The following TOP6BL variants were observed in gnomAD, a reference collection of about 807,000 sequenced individuals.
The protein encoded by TOP6BL is TOP6B like initiator of meiotic double strand breaks, also known as type 2 DNA topoisomerase 6 subunit B-like.
At chr11:66,757,043 G>A in the TOP6BL span, among the ~76,000 whole-genome samples, 4 of 151,018 alleles carry the variant, frequency 2.6e-5, no homozygotes, top group Non-Finnish European at 4.4e-5. Flanking sequence ...CGGAGGCGGC[G>A]GTGGGGGGTG....
the TOP6BL span, chr11:66,745,000 A>G: frequency 8.2e-7 from 1 of 1,218,922 alleles, no homozygotes; most frequent in East Asian, 3.2e-5. Flanking sequence ...GTTTGGGCAG[A>G]GGGGTCGGGC....
the TOP6BL span, among the ~76,000 whole-genome samples, chr11:66,808,991 G>A: frequency 6.6e-6 from 1 of 152,296 alleles, no homozygotes. Flanking sequence ...CGTCGCCCAG[G>A]CTGGAGTGCA....
the TOP6BL span, among the ~76,000 whole-genome samples, chr11:66,835,241 T>C: frequency 2.6e-5 from 4 of 151,894 alleles, no homozygotes; most frequent in Admixed American, 6.6e-5. Context: ...TGACACGAGA[T>C]TTTCCAAGCT....
the TOP6BL span, chr11:66,843,493 C>T: frequency 3.4e-6 from 5 of 1,481,680 alleles, no homozygotes; most frequent in Non-Finnish European, 4.4e-6. Flanking sequence ...CGACTGCTGT[C>T]GGTGTCGCGG....
the TOP6BL span, among the ~76,000 whole-genome samples, chr11:66,835,852 C>A: frequency 6.6e-6 from 1 of 152,208 alleles, no homozygotes. Context: ...TATGAATATG[C>A]TGTTACGAAC....
At chr11:66,778,568 T>C in the TOP6BL span, among the ~76,000 whole-genome samples, 4 of 152,124 alleles carry the variant, frequency 2.6e-5, no homozygotes, top group Admixed American at 6.6e-5. Flanking sequence ...TCAAGACTTA[T>C]AAAGCTACAG....
At chr11:66,842,516 G>T in the TOP6BL span, among the ~76,000 whole-genome samples, 1 of 152,218 alleles carries the variant, frequency 6.6e-6, no homozygotes, top group Non-Finnish European at 1.5e-5. Flanking sequence ...AAAGGTGAGG[G>T]GGGACAGAGG....
chr11:66,748,468 AG>A, the TOP6BL span: 9 of 1,549,142 alleles, frequency 5.8e-6, no homozygotes, highest in Non-Finnish European at 7.9e-6. Context: ...TTTCCATAGA[AG>A]GATTAAATTC....
chr11:66,748,038 G>A, the TOP6BL span, among the ~76,000 whole-genome samples: 1 of 151,898 alleles, frequency 6.6e-6, no homozygotes, highest in Non-Finnish European at 1.5e-5. Context: ...TTTTATTTGG[G>A]GCAGGAAAAA....
the TOP6BL span, among the ~76,000 whole-genome samples, chr11:66,819,444 C>G: frequency 6.6e-6 from 1 of 152,278 alleles, no homozygotes; most frequent in Middle Eastern, 3.4e-3. Flanking sequence ...ATAGCAATAG[C>G]AATATTTTGA....
chr11:66,769,836 G>A, the TOP6BL span, among the ~76,000 whole-genome samples: 2 of 151,976 alleles, frequency 1.3e-5, no homozygotes, highest in South Asian at 4.2e-4. Flanking sequence ...CACCTCCCGG[G>A]TTCATGCCAT....
the TOP6BL span, among the ~76,000 whole-genome samples, chr11:66,815,271 C>T: frequency 6.6e-6 from 1 of 152,144 alleles, no homozygotes; most frequent in African/African-American, 2.4e-5. Flanking sequence ...TGAACTTTCT[C>T]AGTTAACTTT....
At chr11:66,773,895 C>G in the TOP6BL span, among the ~76,000 whole-genome samples, 1 of 152,014 alleles carries the variant, frequency 6.6e-6, no homozygotes. Context: ...CACCACCAAG[C>G]CCAGCTAATT....
chr11:66,809,224 A>G, the TOP6BL span, among the ~76,000 whole-genome samples: 1 of 152,246 alleles, frequency 6.6e-6, no homozygotes, highest in Non-Finnish European at 1.5e-5. Flanking sequence ...CTACACCTAA[A>G]GAGATGAAAA....
the TOP6BL span, among the ~76,000 whole-genome samples, chr11:66,808,182 A>G: frequency 6.6e-6 from 1 of 152,248 alleles, no homozygotes; most frequent in African/African-American, 2.4e-5. Context: ...AGCAAAAACA[A>G]AATCACAGAA....
At chr11:66,772,905 A>G in the TOP6BL span, among the ~76,000 whole-genome samples, 2 of 152,272 alleles carry the variant, frequency 1.3e-5, no homozygotes, top group South Asian at 2.1e-4. Context: ...CTGTTCTTCA[A>G]TTGCCTAGAA....
chr11:66,791,147 A>AG, the TOP6BL span, among the ~76,000 whole-genome samples: 1 of 152,210 alleles, frequency 6.6e-6, no homozygotes, highest in African/African-American at 2.4e-5. Flanking sequence ...TTCACAGCAA[A>AG]GGCTAATAGA....
the TOP6BL span, chr11:66,838,526 C>T: frequency 4.6e-6 from 6 of 1,293,374 alleles, no homozygotes; most frequent in East Asian, 1.4e-4. Context: ...CAAACTATTC[C>T]ACTGTACCTT....
At chr11:66,772,549 A>G in the TOP6BL span, among the ~76,000 whole-genome samples, 1 of 152,216 alleles carries the variant, frequency 6.6e-6, no homozygotes, top group Non-Finnish European at 1.5e-5. Context: ...CGGGCAGATC[A>G]TCTGAAGTCA....
Sources: allele counts gnomAD v4.1 joint callset (sites outside exome capture counted in the v4.1 genomes callset), GRCh38; gene constraint gnomAD v4.1.1; transcripts MANE v1.5; gene names NCBI Gene and HGNC (gene_info 2026-07-23, HGNC 2026-07-21).